Variants in ANO10 observed in about 807,000 individuals in gnomAD.
ANO10 encodes the protein anoctamin 10, also known as anoctamin-10.
In ANO10, 77 loss-of-function variants were observed where a neutral mutation model predicts 74.7. The observed-to-expected ratio is 1.03, with a 90% confidence interval of 0.86 to 1.25. The LOEUF (loss-of-function observed/expected upper bound fraction) is 1.25, where lower values mean the gene tolerates loss of function less well. Among genes scored for constraint, ANO10 ranks in the 50% most tolerant of loss-of-function variants. ANO10 has a pLI of 0.00. For synonymous variants in ANO10, 279 were observed against 284.9 expected, an observed-to-expected ratio of 0.98 and a Z score of 0.21; for missense variants, 721 against 778.1, an observed-to-expected ratio of 0.93 and a Z score of 0.87.
At chr3:43,463,329 A>G (rs1463205682) in intron 11 of ANO10, among the ~76,000 whole-genome samples, 1 of 152,252 alleles carries the variant, frequency 6.6e-6, no homozygotes, top group African/African-American at 2.4e-5. Flanking sequence ...GATGTGAGAC[A>G]TGGAGTCAAA....
intron 11 of ANO10, among the ~76,000 whole-genome samples, chr3:43,520,454 G>A (rs1323775281): frequency 1.3e-5 from 2 of 152,112 alleles, no homozygotes. Flanking sequence ...CCACAGCATG[G>A]AGTCCAAACT....
intron 12 of ANO10, among the ~76,000 whole-genome samples, chr3:43,392,356 CT>C (rs1413625231): frequency 1.3e-5 from 2 of 152,206 alleles, no homozygotes; most frequent in East Asian, 3.8e-4. Context: ...TAGGATACCT[CT>C]GGAACATCTA....
intron 1 of ANO10, among the ~76,000 whole-genome samples, chr3:43,685,987 TGAA>T (rs936616883): frequency 3.3e-5 from 5 of 152,312 alleles, no homozygotes; most frequent in East Asian, 3.9e-4. Context: ...TGTGTCCCAC[TGAA>T]GAAGGTCTTT....
chr3:43,426,137 A>C (rs1392733733), intron 12 of ANO10, among the ~76,000 whole-genome samples: 1 of 151,976 alleles, frequency 6.6e-6, no homozygotes, highest in Non-Finnish European at 1.5e-5. Flanking sequence ...ACATCGCATC[A>C]ATGTATACCT....
chr3:43,386,062 A>AG (rs1294473536), intron 12 of ANO10, among the ~76,000 whole-genome samples: 1 of 152,170 alleles, frequency 6.6e-6, no homozygotes, highest in Non-Finnish European at 1.5e-5. Flanking sequence ...GCCATGGACA[A>AG]GGGGGGAATA....
intron 12 of ANO10, among the ~76,000 whole-genome samples, chr3:43,383,225 G>A (rs191103171): frequency 5.3e-5 from 8 of 152,188 alleles, no homozygotes; most frequent in East Asian, 1.9e-4. Flanking sequence ...AGGCCAAGGC[G>A]GGCAGATCAC....
chr3:43,675,347 A>G (rs570160931), intron 1 of ANO10, among the ~76,000 whole-genome samples: 1 of 152,326 alleles, frequency 6.6e-6, no homozygotes, highest in East Asian at 1.9e-4. Context: ...CAGACTTGAT[A>G]GCAAAAGCAT....
chr3:43,517,823 A>G (rs2077775542), intron 11 of ANO10, among the ~76,000 whole-genome samples: 1 of 152,210 alleles, frequency 6.6e-6, no homozygotes, highest in African/African-American at 2.4e-5. Flanking sequence ...TAACAGGATA[A>G]GCCCACTGAT....
chr3:43,416,256 T>C (rs1273819245), intron 12 of ANO10, among the ~76,000 whole-genome samples: 1 of 152,234 alleles, frequency 6.6e-6, no homozygotes, highest in African/African-American at 2.4e-5. Context: ...GCAACTTGGA[T>C]GAAGACCTGG....
chr3:43,633,098 T>A lies in ANO10; in HGVS notation c.-11-27235A>T, dbSNP rs1057386920. ...GAAGACATTTTTGATGTTTTCTATT[T>A]TGAAATAAAAAACGTAAATTTATTT... On this transcript the variant is annotated intron_variant, in intron 1 of 3. Transcript: ENST00000413397. Among the ~76,000 whole-genome samples the A allele has an allele frequency of 7.9e-5, 12 of 152,318 alleles. 1 individual carries two copies. The highest frequency in any genetic ancestry group is 7.7e-4 in the East Asian group (4 of 5,190).
chr3:43,378,991 T>C (rs1386192546), intron 12 of ANO10, among the ~76,000 whole-genome samples: 3 of 152,306 alleles, frequency 2.0e-5, no homozygotes, highest in African/African-American at 7.2e-5. Context: ...AATTTTCCAT[T>C]ACCTATATCC....
At chr3:43,438,676 G>C (rs2093112722) in intron 11 of ANO10, among the ~76,000 whole-genome samples, 1 of 152,026 alleles carries the variant, frequency 6.6e-6, no homozygotes, top group Non-Finnish European at 1.5e-5. Flanking sequence ...GAATCCAGGA[G>C]GCAAAGGTTG....
chr3:43,567,371 C>T (rs2080422355), intron 7 of ANO10, among the ~76,000 whole-genome samples: 1 of 151,918 alleles, frequency 6.6e-6, no homozygotes, highest in Non-Finnish European at 1.5e-5. Flanking sequence ...AACTCCAAGA[C>T]ACATAATTGT....
rs372938737 is a variant in ANO10 at position 43,514,952 on chromosome 3, T to C, written c.1797+34768A>G. 1.1e-4 allele frequency among the ~76,000 whole-genome samples: 17 copies of C among 152,272 alleles called. 1 individual carries two copies. The highest frequency in any genetic ancestry group is 7.7e-4 in the East Asian group (4 of 5,194). ...AAATGAAAACACTTGCCAGAATATG[T>C]GGGATGCACTAAAACACTATGTAGC... On this transcript the variant is annotated intron_variant, in intron 11 of 12. Transcript: ENST00000292246.
At chr3:43,610,263 G>A (rs1213408148) in intron 1 of ANO10, among the ~76,000 whole-genome samples, 1 of 152,134 alleles carries the variant, frequency 6.6e-6, no homozygotes, top group Non-Finnish European at 1.5e-5. Context: ...TTCAGAGGCA[G>A]TAACACACAT....
At chr3:43,660,150 C>T (rs1463782727) in intron 1 of ANO10, among the ~76,000 whole-genome samples, 1 of 152,142 alleles carries the variant, frequency 6.6e-6, no homozygotes, top group African/African-American at 2.4e-5. Flanking sequence ...GAAACCAGAG[C>T]AGAAAGGCTG....
intron 2 of ANO10, among the ~76,000 whole-genome samples, chr3:43,605,115 G>C (rs2082501081): frequency 6.6e-6 from 1 of 152,114 alleles, no homozygotes; most frequent in African/African-American, 2.4e-5. Flanking sequence ...CATGTCACCT[G>C]TCAAGAGAAA....
intron 12 of ANO10, among the ~76,000 whole-genome samples, chr3:43,419,989 G>T (rs1425979150): frequency 6.6e-6 from 1 of 152,080 alleles, no homozygotes; most frequent in African/African-American, 2.4e-5. Context: ...CTATTCTTAA[G>T]AGAAAGAAAC....
intron 12 of ANO10, among the ~76,000 whole-genome samples, chr3:43,401,003 C>A (rs988591831): frequency 6.6e-6 from 1 of 152,136 alleles, no homozygotes; most frequent in African/African-American, 2.4e-5. Flanking sequence ...TTTAGTCTGC[C>A]TTTATCTGTT....
Sources: allele counts gnomAD v4.1 joint callset (sites outside exome capture counted in the v4.1 genomes callset), GRCh38; gene constraint gnomAD v4.1.1; transcripts MANE v1.5; gene names NCBI Gene and HGNC (gene_info 2026-07-23, HGNC 2026-07-21).